Variants in DYNC2H1 observed in about 807,000 individuals in gnomAD.
DYNC2H1 encodes the protein cytoplasmic dynein 2 heavy chain 1.
A neutral mutation model predicts 570.0 loss-of-function variants in DYNC2H1; 410 were observed. The observed-to-expected ratio is 0.72, with a 90% CI of 0.66 to 0.78. The LOEUF is 0.78. DYNC2H1 is among the 30% of genes least tolerant of loss of function. The pLI, the probability that DYNC2H1 is intolerant of heterozygous loss-of-function variation, is 0.00. For synonymous variants in DYNC2H1, 1,688 were observed against 1,677.6 expected (o/e 1.01, Z -0.15); for missense variants, 4,865 against 5,046.4 (o/e 0.96, Z 1.09).
rs1289864888 is a variant in DYNC2H1, at chr11:103,154,745, T to G, written c.3509T>G (p.Leu1170Ter). 7 of 1,572,378 alleles carry G rather than the reference T, an allele frequency of 4.5e-6. No individual in the cohort carries two copies. Among genetic ancestry groups the G allele is most frequent in the Admixed American group, 1.9e-5 (1 of 53,574 alleles). ...EEFLMNWHDR[L>*]RKVEEHSVMT... ...TTTTTGATGAACTGGCATGACAGAT[T>G]AAGGAAGGTTGAAGAACATTCAGTG... The change falls in exon 24 of 89, where the codon TTA (leucine) becomes TGA (stop). Residue 1170 changes from leucine (L) to a stop codon, truncating the protein, a stop_gained. Transcript: ENST00000375735. LOFTEE classifies it high-confidence loss of function.
At chr11:103,301,470 G>T (rs991940320) in intron 75 of DYNC2H1, among the ~76,000 whole-genome samples, 4 of 151,850 alleles carry the variant, frequency 2.6e-5, no homozygotes, top group Non-Finnish European at 5.9e-5. Context: ...TGAATCAATG[G>T]AAATATTTCT....
intron 85 of DYNC2H1, among the ~76,000 whole-genome samples, chr11:103,438,097 T>C (rs1243423691): frequency 6.6e-6 from 1 of 152,072 alleles, no homozygotes; most frequent in African/African-American, 2.4e-5. Flanking sequence ...CTCAAGATAA[T>C]GTTCAGGACT....
chr11:103,440,001 T>C (rs1944208175), intron 85 of DYNC2H1, among the ~76,000 whole-genome samples: 1 of 152,138 alleles, frequency 6.6e-6, no homozygotes, highest in Non-Finnish European at 1.5e-5. Context: ...TCTGTGATGA[T>C]CATTCTAAAT....
Position 103,147,861 on chromosome 11 carries a change from T to G in DYNC2H1, c.2792T>G (p.Val931Gly), listed in dbSNP as rs1860320723. 1 of 1,610,964 alleles carries G rather than the reference T, an allele frequency of 6.2e-7. No homozygotes were observed. Among genetic ancestry groups the G allele is most frequent in the Admixed American group, 1.7e-5 (1 of 59,844 alleles). ...DLIQKLFDLL[V>G]LSLKKSIQAH... ...ATCCAGAAGTTATTTGATCTGCTTGTTCTTTCTTTGAAGAAGTCCATACAG... is the reference window on the plus strand; with the variant it reads ...ATCCAGAAGTTATTTGATCTGCTTGGTCTTTCTTTGAAGAAGTCCATACAG... Residue 931 changes from valine (V) to glycine (G), a missense_variant, in exon 19 of 89, where the codon GTT (valine) becomes GGT (glycine). Physicochemically the swap from Val to Gly is moderately radical, Grantham distance 109. Coordinates refer to ENST00000375735, the MANE Select transcript of DYNC2H1 (RefSeq NM_001377.3).
rs528527457 is a variant in DYNC2H1 at position 103,230,049 on chromosome 11, G to A, written c.9354-1211G>A. Among the ~76,000 whole-genome samples, 8 of 152,242 alleles carry A rather than the reference G, an allele frequency of 5.3e-5. No individual in the cohort carries two copies. The South Asian group carries it at 1.7e-3, about 32-fold the overall frequency. Reference sequence around the variant, plus strand: ...TCTGATTCAGATATATTGAGGGGGAGGGGACAGTAAGCCCTCGCAATCTCT... The same window carrying A: ...TCTGATTCAGATATATTGAGGGGGAAGGGACAGTAAGCCCTCGCAATCTCT... On this transcript the variant is annotated intron_variant, in intron 59 of 88. Transcript: ENST00000375735.
intron 77 of DYNC2H1, 108 bp from the exon 78 acceptor site, chr11:103,307,613 C>T: frequency 1.8e-6 from 1 of 563,480 alleles, no homozygotes; most frequent in Non-Finnish European, 3.0e-6. Flanking sequence ...AGAAATACAT[C>T]AGAATGTCAC....
At chr11:103,115,559 A>G (rs1317859415) in intron 4 of DYNC2H1, among the ~76,000 whole-genome samples, 1 of 152,192 alleles carries the variant, frequency 6.6e-6, no homozygotes, top group African/African-American at 2.4e-5. Context: ...GCACTTTGGG[A>G]GGCCGAGGTG....
Position 103,155,394 on chromosome 11 carries a change from CT to C in DYNC2H1, c.3642del (p.Arg1215ValfsTer11). The C allele has an allele frequency of 6.2e-7, 1 of 1,611,766 alleles. No individual in the cohort carries two copies. Among genetic ancestry groups the C allele is most frequent in the Non-Finnish European group, 8.5e-7 (1 of 1,178,964 alleles). On this transcript the variant is annotated frameshift_variant, in exon 25 of 89. Coordinates refer to ENST00000375735, the MANE Select transcript of DYNC2H1 (RefSeq NM_001377.3). LOFTEE classifies it high-confidence loss of function. ...TCTTTCTCCAGATCACTGGCTTGAC[CT>C]TTTTCGTCTCCTTGGACTTCCTAGG... The part of the protein sequence containing the change: ...EHLSPDHWLD[L>X]FRLLGLPRGT...
chr11:103,455,178 C>A lies in DYNC2H1; in HGVS notation c.12457-8C>A, dbSNP rs756544728. 1 of 1,604,156 alleles carries A rather than the reference C, an allele frequency of 6.2e-7. No individual in the cohort carries two copies. The highest frequency in any genetic ancestry group is 8.5e-7 in the Non-Finnish European group (1 of 1,172,310). On this transcript the variant is annotated splice_polypyrimidine_tract_variant and splice_region_variant and intron_variant, in intron 85 of 88. Transcript: ENST00000375735. ...TGTATTTATATGTTCATATTTCCCC[C>A]CCTCTAGAACTGGGTAGATAAAGCT...
At chr11:103,390,180 G>C (rs367812677) in intron 83 of DYNC2H1, among the ~76,000 whole-genome samples, 2 of 152,090 alleles carry the variant, frequency 1.3e-5, no homozygotes, top group African/African-American at 4.8e-5. Flanking sequence ...TCTGGGTGCT[G>C]CTGTATTGGG....
intron 65 of DYNC2H1, among the ~76,000 whole-genome samples, chr11:103,246,377 T>A (rs952293878): frequency 3.3e-5 from 5 of 152,008 alleles, no homozygotes; most frequent in African/African-American, 1.2e-4. Flanking sequence ...TATACTGTGG[T>A]CCTGAAGGAC....
chr11:103,368,924 C>T (rs313370), intron 83 of DYNC2H1, among the ~76,000 whole-genome samples: 84,000 of 151,860 alleles, frequency 0.55, 24,983 homozygotes, highest in Admixed American at 0.66. Flanking sequence ...TAGAAGGCTC[C>T]ACCAGTCACC....
In DYNC2H1 at chr11:103,147,758, T is replaced by C. The variant is rs755481753; in HGVS notation, c.2703-14T>C. 2.0e-5 allele frequency: 31 copies of C among 1,526,306 alleles called. No homozygotes were observed. The Admixed American group carries it at 2.6e-4, about 13-fold the overall frequency. The allele number at this position is 1,526,306 out of a possible 1,614,324, so 94.5% of individuals were successfully genotyped here. A position where few individuals can be genotyped will look rare whatever the true frequency, so the allele number is the denominator to read the frequency against. ...TCTTTTCCATGTCAAAATATGTCCA[T>C]TGACATTTTTCAGTGCTGTCAAGGT... is the stretch of plus-strand genomic sequence containing the variant. On this transcript the variant is annotated splice_polypyrimidine_tract_variant and intron_variant, in intron 18 of 88. Coordinates refer to ENST00000375735, the MANE Select transcript of DYNC2H1 (RefSeq NM_001377.3).
In DYNC2H1 at chr11:103,218,240, G is replaced by A. The variant is rs542389033; in HGVS notation, c.8833-1675G>A. Among the ~76,000 whole-genome samples the A allele has an allele frequency of 4.6e-5, 7 of 152,270 alleles. No homozygotes were observed. The East Asian group carries it at 5.8e-4, about 13-fold the overall frequency. On this transcript the variant is annotated intron_variant, in intron 55 of 88. Coordinates refer to ENST00000375735, the MANE Select transcript of DYNC2H1 (RefSeq NM_001377.3). ...ATTTTTAGCTGAGAGAAATGAAAAC[G>A]TGATAAATCTTAGAAGCATTACACT...
chr11:103,121,399 G>A lies in DYNC2H1; in HGVS notation c.1388G>A (p.Cys463Tyr). 1 of 1,612,316 alleles carries A rather than the reference G, an allele frequency of 6.2e-7. No homozygotes were observed. Among genetic ancestry groups the A allele is most frequent in the Non-Finnish European group, 8.5e-7 (1 of 1,179,186 alleles). The stretch of plus-strand genomic sequence containing the variant: ...TTTCGATTAGACTTTGAGAATCGGT[G>A]CCGAGGAATTCCTGGTGATGCATCT... ...KDFRLDFENR[C>Y]RGIPGDASGP... The change falls in exon 10 of 89, where the codon TGC becomes TAC. Residue 463 changes from cysteine to tyrosine, a missense_variant. Around this residue, in one of 5 missense-constraint regions of DYNC2H1, gnomAD observed 1,936 missense variants for 1,962.1 expected, o/e 0.99. Coordinates refer to ENST00000375735, the MANE Select transcript of DYNC2H1 (RefSeq NM_001377.3).
intron 25 of DYNC2H1, 44 bp downstream of exon 25, chr11:103,155,545 T>G (rs1003940245): frequency 1.3e-6 from 2 of 1,556,492 alleles, no homozygotes. Flanking sequence ...TGGCCTTTTT[T>G]AATATACAAT....
At chr11:103,117,604 T>C (rs780642677) in intron 5 of DYNC2H1, 27 bp from the exon 6 acceptor site, 2 of 1,511,208 alleles carry the variant, frequency 1.3e-6, no homozygotes. Context: ...TTATTTCCCT[T>C]AAACTCTTTG....
intron 17 of DYNC2H1, among the ~76,000 whole-genome samples, chr11:103,138,818 A>G (rs1947022428): frequency 6.6e-6 from 1 of 152,144 alleles, no homozygotes. Context: ...CTCTGGTAGA[A>G]TTCGGCTGTG....
At chr11:103,315,188 T>G (rs1937753027) in intron 79 of DYNC2H1, among the ~76,000 whole-genome samples, 1 of 152,128 alleles carries the variant, frequency 6.6e-6, no homozygotes. Context: ...ATCTGGCAGT[T>G]GACATATCCA....
Sources: allele counts gnomAD v4.1 joint callset (sites outside exome capture counted in the v4.1 genomes callset), GRCh38; gene constraint gnomAD v4.1.1; regional missense constraint gnomAD v4.1.1; transcripts MANE v1.5; gene names NCBI Gene and HGNC (gene_info 2026-07-23, HGNC 2026-07-21).